The following B3GALT1 variants were observed in gnomAD, a reference collection of about 807,000 sequenced individuals.
B3GALT1 encodes the protein beta-1,3-galactosyltransferase 1.
B3GALT1 carries 10 observed loss-of-function variants against 23.2 expected under a neutral mutation model. The observed-to-expected ratio is 0.43, with a 90% CI of 0.27 to 0.73. The LOEUF (loss-of-function observed/expected upper bound fraction) is 0.73, where lower values mean the gene tolerates loss of function less well. B3GALT1 is among the 30% of genes least tolerant of loss of function. The pLI is 0.21. For missense variants in B3GALT1, 299 were observed against 405.4 expected, an observed-to-expected ratio of 0.74 and a Z score of 2.25; for synonymous variants, 156 against 141.5, an observed-to-expected ratio of 1.10 and a Z score of -0.73.
intron 2 of B3GALT1, among the ~76,000 whole-genome samples, chr2:167,580,743 G>C (rs1684470067): frequency 6.6e-6 from 1 of 152,162 alleles, no homozygotes; most frequent in Non-Finnish European, 1.5e-5. Context: ...GAGGGACTGG[G>C]TTTTGTTCAT....
chr2:167,362,198 C>T (rs1160741340), intron 1 of B3GALT1, among the ~76,000 whole-genome samples: 1 of 152,056 alleles, frequency 6.6e-6, no homozygotes, highest in Non-Finnish European at 1.5e-5. Context: ...AATTCTTCCA[C>T]CCAAAACTAC....
intron 2 of B3GALT1, among the ~76,000 whole-genome samples, chr2:167,595,600 C>G (rs73013384): frequency 0.017 from 2,536 of 152,248 alleles, 89 homozygotes; most frequent in African/African-American, 0.058. Context: ...AGTACCATGG[C>G]AACCCCTAAC....
At chr2:167,827,615 C>T (rs1187887789) in intron 4 of B3GALT1, among the ~76,000 whole-genome samples, 2 of 152,178 alleles carry the variant, frequency 1.3e-5, no homozygotes, top group Non-Finnish European at 2.9e-5. Flanking sequence ...AGTCCCTGCT[C>T]AGTGCGTGGC....
intron 3 of B3GALT1, among the ~76,000 whole-genome samples, chr2:167,685,009 T>C (rs773641087): frequency 6.6e-6 from 1 of 152,180 alleles, no homozygotes; most frequent in Non-Finnish European, 1.5e-5. Context: ...TACTCCAAAC[T>C]GTGGAAATAA....
At chr2:167,836,386 G>T (rs60792370) in intron 4 of B3GALT1, among the ~76,000 whole-genome samples, 2,634 of 152,260 alleles carry the variant, frequency 0.017, 78 homozygotes, top group African/African-American at 0.06. Context: ...GAATGCAGAA[G>T]CCTCAGGAGC....
chr2:167,422,782 A>AT (rs939821059), intron 1 of B3GALT1, among the ~76,000 whole-genome samples: 3 of 151,978 alleles, frequency 2.0e-5, no homozygotes, highest in Admixed American at 6.6e-5. Context: ...ACAGAGGTGC[A>AT]TTTTTTTCCT....
chr2:167,497,948 A>G (rs1271872942), intron 2 of B3GALT1, among the ~76,000 whole-genome samples: 1 of 152,078 alleles, frequency 6.6e-6, no homozygotes, highest in East Asian at 1.9e-4. Context: ...CCTGTTAAAT[A>G]TTAACAATGT....
At chr2:167,621,493 T>G (rs1289457594) in intron 2 of B3GALT1, among the ~76,000 whole-genome samples, 1 of 152,064 alleles carries the variant, frequency 6.6e-6, no homozygotes, top group African/African-American at 2.4e-5. Context: ...TCATAAGACT[T>G]TTTTTCACTT....
chr2:167,447,923 C>T (rs1470597332), intron 1 of B3GALT1, among the ~76,000 whole-genome samples: 1 of 152,146 alleles, frequency 6.6e-6, no homozygotes, highest in Non-Finnish European at 1.5e-5. Flanking sequence ...CCGAAATCAC[C>T]CATCTTCTGC....
intron 3 of B3GALT1, among the ~76,000 whole-genome samples, chr2:167,786,194 T>A (rs999767195): frequency 6.6e-6 from 1 of 152,194 alleles, no homozygotes; most frequent in African/African-American, 2.4e-5. Flanking sequence ...AAAAGACAAT[T>A]TTTAGAAAAT....
chr2:167,566,614 G>T (rs776579172), intron 2 of B3GALT1, among the ~76,000 whole-genome samples: 2 of 152,042 alleles, frequency 1.3e-5, no homozygotes, highest in African/African-American at 2.4e-5. Flanking sequence ...ATGACGTGAG[G>T]TTTAGTGAAG....
intron 3 of B3GALT1, among the ~76,000 whole-genome samples, chr2:167,696,428 G>T (rs897567742): frequency 6.6e-6 from 1 of 151,596 alleles, no homozygotes; most frequent in African/African-American, 2.4e-5. Flanking sequence ...TGATTATGTT[G>T]TACTACTTTC....
intron 1 of B3GALT1, among the ~76,000 whole-genome samples, chr2:167,365,326 C>T (rs1433213958): frequency 6.6e-6 from 1 of 152,066 alleles, no homozygotes; most frequent in Non-Finnish European, 1.5e-5. Context: ...GGTAAAGCTG[C>T]CTGAAAACCT....
At chr2:167,439,774 A>G (rs914215478) in intron 1 of B3GALT1, among the ~76,000 whole-genome samples, 1 of 152,052 alleles carries the variant, frequency 6.6e-6, no homozygotes, top group African/African-American at 2.4e-5. Context: ...GACATTTAGC[A>G]AATGTTTATC....
chr2:167,512,570 A>ATATATATG (rs1553463251), intron 2 of B3GALT1, among the ~76,000 whole-genome samples: 4 of 91,162 alleles, frequency 4.4e-5, no homozygotes, highest in African/African-American at 1.4e-4. Context: ...ATATATATGT[A>ATATATATG]TATATATATG....
chr2:167,324,505 C>A (rs1430959208), intron 1 of B3GALT1, among the ~76,000 whole-genome samples: 1 of 151,960 alleles, frequency 6.6e-6, no homozygotes, highest in Admixed American at 6.6e-5. Context: ...CTGCCTGATG[C>A]TGGCTTCTAT....
At chr2:167,743,818 T>A (rs1270533431) in intron 3 of B3GALT1, among the ~76,000 whole-genome samples, 2 of 152,134 alleles carry the variant, frequency 1.3e-5, no homozygotes, top group African/African-American at 4.8e-5. Context: ...CTTATTCCAG[T>A]GGTTTTTTTG....
intron 4 of B3GALT1, among the ~76,000 whole-genome samples, chr2:167,831,816 T>C (rs1010146618): frequency 1.3e-5 from 2 of 152,324 alleles, no homozygotes; most frequent in South Asian, 2.1e-4. Context: ...ATTTGGACTT[T>C]GGAAAACTGC....
At chr2:167,632,430 A>G (rs1254570427) in intron 2 of B3GALT1, among the ~76,000 whole-genome samples, 2 of 151,776 alleles carry the variant, frequency 1.3e-5, no homozygotes, top group Non-Finnish European at 2.9e-5. Context: ...AAGTGTTCCT[A>G]TTTCTCAACA....
Sources: gnomAD v4.1 joint callset for allele counts (sites outside exome capture counted in the v4.1 genomes callset) on GRCh38, gnomAD v4.1.1 for gene constraint, MANE v1.5 for transcripts, NCBI Gene and HGNC (gene_info 2026-07-23, HGNC 2026-07-21) for gene names.